SLC13A5: variants seen among roughly 807,000 people sequenced by gnomAD.
The protein encoded by SLC13A5 is solute carrier family 13 member 5.
Under a neutral mutation model 56.5 loss-of-function variants are expected in SLC13A5, and 25 were observed. The ratio of observed to expected loss-of-function variants is 0.44; its 90% confidence interval spans 0.32 to 0.62. SLC13A5 has a LOEUF of 0.62. SLC13A5 is among the 20% of genes least tolerant of loss of function. SLC13A5 has a pLI of 0.04. For synonymous variants in SLC13A5, 307 were observed against 301.5 expected, an observed-to-expected ratio of 1.02 and a Z score of -0.19; for missense variants, 649 against 737.8, an observed-to-expected ratio of 0.88 and a Z score of 1.39.
In SLC13A5 at chr17:6,692,988, C is replaced by G. The variant is rs972260458; in HGVS notation, c.1275+56G>C. 7.3e-6 allele frequency: 10 copies of G among 1,371,258 alleles called. No homozygotes were observed. The highest frequency in any genetic ancestry group is 9.4e-6 in the Non-Finnish European group (9 of 958,936). The allele number at this position is 1,371,258 out of a possible 1,614,324, so 84.9% of individuals were successfully genotyped here. A position where few individuals can be genotyped will look rare whatever the true frequency, so the allele number is the denominator to read the frequency against. ...GCCCAGGGATGGAAGGGTGGAGAAA[C>G]GCCACCCTCTTGACGAAGAAGAGGG... is the stretch of plus-strand genomic sequence containing the variant. On this transcript the variant is annotated intron_variant, in intron 9 of 11. Coordinates refer to ENST00000433363, the MANE Select transcript of SLC13A5 (RefSeq NM_177550.5). The surrounding 1 kb of genome is among the most constrained non-coding windows in gnomAD (Gnocchi z 5.5).
chr17:6,694,044 T>C, intron 8 of SLC13A5, 53 bp downstream of exon 8: 1 of 1,286,028 alleles, frequency 7.8e-7, no homozygotes, highest in Admixed American at 1.9e-5. Flanking sequence ...TAGTGACCCT[T>C]TGGTTCCAGG....
chr17:6,704,083 C>T, intron 3 of SLC13A5, 27 bp from the exon 4 acceptor site: 1 of 1,594,062 alleles, frequency 6.3e-7, no homozygotes, highest in Non-Finnish European at 8.5e-7. Context: ...GGGAGGAAAG[C>T]CAGAGAATCC....
At chr17:6,695,992 T>G (rs749093703) in intron 6 of SLC13A5, 51 bp from the exon 7 acceptor site, 1 of 1,554,198 alleles carries the variant, frequency 6.4e-7, no homozygotes, top group Non-Finnish European at 8.8e-7. Context: ...TTGGCTCAGG[T>G]GCTGGTCAGA....
chr17:6,692,582 T>G lies in SLC13A5; in HGVS notation c.1275+462A>C, dbSNP rs1300676076. 6.6e-6 allele frequency among the ~76,000 whole-genome samples: 1 copy of G among 152,232 alleles called. No individual in the cohort carries two copies. The highest frequency in any genetic ancestry group is 1.5e-5 in the Non-Finnish European group (1 of 68,052). ...AGGTAAAGAAAGTTATATTTTTGTG[T>G]GTTTTCCAACATGTTCCTCACCTCC... On this transcript the variant is annotated intron_variant, in intron 9 of 11. Coordinates refer to ENST00000433363, the MANE Select transcript of SLC13A5 (RefSeq NM_177550.5). This position sits in a 1 kb window ranked among gnomAD's most constrained non-coding sequence, Gnocchi z 5.5.
At chr17:6,695,200 A>C (rs374090476) in intron 7 of SLC13A5, among the ~76,000 whole-genome samples, 6 of 152,186 alleles carry the variant, frequency 3.9e-5, no homozygotes, top group African/African-American at 1.4e-4. Flanking sequence ...ACAGGAACAC[A>C]TTAGGGTCTT....
At chr17:6,691,264 G>C (rs1973399605) in intron 9 of SLC13A5, among the ~76,000 whole-genome samples, 1 of 152,126 alleles carries the variant, frequency 6.6e-6, no homozygotes, top group African/African-American at 2.4e-5. Context: ...CTCTCTCTGG[G>C]CCTCCCAGTT....
In SLC13A5 at chr17:6,707,037, G is replaced by T. The variant is rs749659104; in HGVS notation, c.222C>A (p.Asp74Glu). The change falls in exon 2 of 12, where the codon GAC becomes GAA. Residue 74 changes from aspartate (D) to glutamate (E), a missense_variant. Asp to Glu is a conservative substitution (Grantham distance 45, BLOSUM62 2). Coordinates refer to ENST00000433363, the MANE Select transcript of SLC13A5 (RefSeq NM_177550.5). ...CCTTGGGTCTGCTCACCTGCCTGGA[G>T]TCCAGAATCTGGAAGAGTGGGAAAA... Reference protein sequence around the residue: ...VLLFPLFQILDSRQVCVQYMK... With the variant: ...VLLFPLFQILESRQVCVQYMK... 1 of 1,613,992 alleles carries T rather than the reference G, an allele frequency of 6.2e-7. No individual in the cohort carries two copies.
chr17:6,703,699 G>A lies in SLC13A5; in HGVS notation c.547+179C>T, dbSNP rs218676. Among the ~76,000 whole-genome samples the A allele has an allele frequency of 0.25, 37,740 of 152,076 alleles. 5,390 individuals carry two copies. The highest frequency in any genetic ancestry group is 0.59 in the East Asian group (3,042 of 5,170). ...AGCTCTATTAAAGGATCTAAGTTGT[G>A]TGCAATAATCCCCTCCTAAAACTTA... On this transcript the variant is annotated intron_variant, in intron 4 of 11. Coordinates refer to ENST00000433363, the MANE Select transcript of SLC13A5 (RefSeq NM_177550.5).
At position 6,686,287 on chromosome 17, in the gene SLC13A5, C is replaced by T; in HGVS notation, c.1627G>A (p.Ala543Thr). Residue 543 changes from alanine to threonine, a missense_variant, in exon 12 of 12, where the codon GCT (alanine) becomes ACT (threonine). Transcript: ENST00000433363. ...NIIGVFCVFL[A>T]VNTWGRAIFD... Reference sequence around the variant, plus strand: ...ATGGCCCGTCCCCAGGTGTTGACAGCCAAAAACACACAGAAGACTCCAATT... The same window carrying T: ...ATGGCCCGTCCCCAGGTGTTGACAGTCAAAAACACACAGAAGACTCCAATT... 6.2e-7 allele frequency: 1 copy of T among 1,614,084 alleles called. No individual in the cohort carries two copies.
chr17:6,690,087 AAAAAAAAAC>A (rs1973363195), intron 10 of SLC13A5: 1 of 136,372 alleles, frequency 7.3e-6, no homozygotes, highest in African/African-American at 2.9e-5. Context: ...AAAAAAAAAA[AAAAAAAAAC>A]CATAGCCACT....
chr17:6,697,264 G>A (rs1973586667), intron 6 of SLC13A5, among the ~76,000 whole-genome samples: 1 of 152,174 alleles, frequency 6.6e-6, no homozygotes, highest in Non-Finnish European at 1.5e-5. Flanking sequence ...GGGGCTTCAG[G>A]TTTCCAGCAT....
intron 6 of SLC13A5, among the ~76,000 whole-genome samples, chr17:6,700,728 A>T (rs1973689180): frequency 6.6e-6 from 1 of 152,158 alleles, no homozygotes; most frequent in South Asian, 2.1e-4. Context: ...GGGGGTGGGG[A>T]AAAGTCAGGG....
rs559631248 is a variant in SLC13A5, at chr17:6,693,811, G to A, written c.1156+286C>T. Reference sequence around the variant, plus strand: ...GGAGGAAGAGAGAAAACAAAAAATTGTGCTGAATGGAAATCAGTGTTATGG... The same window carrying A: ...GGAGGAAGAGAGAAAACAAAAAATTATGCTGAATGGAAATCAGTGTTATGG... On this transcript the variant is annotated intron_variant, in intron 8 of 11. Coordinates refer to ENST00000433363, the MANE Select transcript of SLC13A5 (RefSeq NM_177550.5). Among the ~76,000 whole-genome samples the A allele has an allele frequency of 3.0e-4, 45 of 152,266 alleles. 1 individual carries two copies. The highest frequency in any genetic ancestry group is 1.1e-3 in the African/African-American group (44 of 41,552).
intron 4 of SLC13A5, 45 bp from the exon 5 acceptor site, chr17:6,703,183 GC>G: frequency 6.2e-7 from 1 of 1,607,326 alleles, no homozygotes. Context: ...CATGGGGGCT[GC>G]CCACCCAGCC....
intron 6 of SLC13A5, among the ~76,000 whole-genome samples, chr17:6,696,732 C>T (rs968773717): frequency 3.9e-5 from 6 of 152,194 alleles, no homozygotes; most frequent in Non-Finnish European, 7.3e-5. Flanking sequence ...ATTCCATTCA[C>T]ACATTCCAGT....
At chr17:6,703,295 C>A (rs1973768794) in intron 4 of SLC13A5, among the ~76,000 whole-genome samples, 157 bp from the exon 5 acceptor site, 1 of 152,212 alleles carries the variant, frequency 6.6e-6, no homozygotes, top group Admixed American at 6.5e-5. Context: ...CAGGGATGTG[C>A]CCGATTCCTC....
Position 6,687,777 on chromosome 17 carries a change from TCA to T in SLC13A5, c.1438-113_1438-112del. Reference sequence around the variant, plus strand: ...CCGGGTACGTTTGAACCTCTGTGCCTCAGTCTTGGTTCCTCTCCCTTTTGCCA... The same window carrying T: ...CCGGGTACGTTTGAACCTCTGTGCCTGTCTTGGTTCCTCTCCCTTTTGCCA... On this transcript the variant is annotated intron_variant, in intron 10 of 11. Coordinates refer to ENST00000433363, the MANE Select transcript of SLC13A5 (RefSeq NM_177550.5). The surrounding 1 kb of genome is among the most constrained non-coding windows in gnomAD (Gnocchi z 5.0). 1.5e-6 allele frequency: 2 copies of T among 1,339,444 alleles called. No homozygotes were observed. Among genetic ancestry groups the T allele is most frequent in the Non-Finnish European group, 2.0e-6 (2 of 1,017,558 alleles). 83.0% of individuals were successfully genotyped at this position (1,339,444 alleles called of 1,614,324 possible). A position where few individuals can be genotyped will look rare whatever the true frequency, so the allele number is the denominator to read the frequency against.
At position 6,690,835 on chromosome 17, in the gene SLC13A5, CAG is replaced by C; in HGVS notation, c.1379_1380del (p.Thr460ArgfsTer64). 1 of 1,614,244 alleles carries C rather than the reference CAG, an allele frequency of 6.2e-7. No homozygotes were observed. Among genetic ancestry groups the C allele is most frequent in the Non-Finnish European group, 8.5e-7 (1 of 1,180,042 alleles). ...LILSLLVAVFTECTSNVATTT... is the reference protein window; with the variant it reads ...LILSLLVAVFXECTSNVATTT... ...GTGGTGGCCACGTTGCTTGTGCACT[CAG>C]TGAACACGGCAACGAGCAAGGACAA... On this transcript the variant is annotated frameshift_variant, in exon 10 of 12. Coordinates refer to ENST00000433363, the MANE Select transcript of SLC13A5 (RefSeq NM_177550.5). LOFTEE classifies it high-confidence loss of function.
chr17:6,690,819 A>T lies in SLC13A5; in HGVS notation c.1397T>A (p.Val466Glu). The change falls in exon 10 of 12, where the codon GTG becomes GAG. Residue 466 changes from valine to glutamate, a missense_variant. Val to Glu is a moderately radical substitution (Grantham distance 121, BLOSUM62 -2). Transcript: ENST00000433363. ...VAVFTECTSN[V>E]ATTTLFLPIF... ...GGGCAGGAACAAGGTGGTGGTGGCC[A>T]CGTTGCTTGTGCACTCAGTGAACAC... The T allele has an allele frequency of 1.2e-6, 2 of 1,614,222 alleles. No homozygotes were observed. Among genetic ancestry groups the T allele is most frequent in the African/African-American group, 2.7e-5 (2 of 75,058 alleles).
Sources: allele counts gnomAD v4.1 joint callset (sites outside exome capture counted in the v4.1 genomes callset), GRCh38; gene constraint gnomAD v4.1.1; non-coding constraint Gnocchi (gnomAD v3.1); transcripts MANE v1.5; gene names NCBI Gene and HGNC (gene_info 2026-07-23, HGNC 2026-07-21).